The following PCDH7 variants were observed in gnomAD, a reference collection of about 807,000 sequenced individuals.
PCDH7 encodes protocadherin 7.
A neutral mutation model predicts 58.9 loss-of-function variants in PCDH7; 17 were observed. The observed-to-expected ratio is 0.29, with a 90% confidence interval of 0.20 to 0.43. PCDH7 has a LOEUF of 0.43. PCDH7 is among the 20% of genes least tolerant of loss of function. The pLI, the probability that PCDH7 is intolerant of heterozygous loss-of-function variation, is 1.00. For synonymous variants in PCDH7, 664 were observed against 616.4 expected (o/e 1.08, Z -1.14); for missense variants, 1,274 against 1,441.0 (o/e 0.88, Z 1.88).
intron 3 of PCDH7, among the ~76,000 whole-genome samples, chr4:31,094,878 T>C (rs1713751045): frequency 6.6e-6 from 1 of 151,616 alleles, no homozygotes; most frequent in Admixed American, 6.6e-5. Context: ...TACCTAGAGT[T>C]TGGAAGCTAG....
intron 1 of PCDH7, among the ~76,000 whole-genome samples, chr4:30,894,250 C>A (rs575088214): frequency 3.8e-4 from 58 of 151,590 alleles, no homozygotes; most frequent in African/African-American, 1.3e-3. Flanking sequence ...CAGAAGAAAA[C>A]ACTTATCCCA....
chr4:30,746,118 T>G (rs112808832), intron 1 of PCDH7, among the ~76,000 whole-genome samples: 1 of 152,184 alleles, frequency 6.6e-6, no homozygotes, highest in Non-Finnish European at 1.5e-5. Flanking sequence ...TGTGATCCAC[T>G]GTGCCTGGCT....
chr4:30,845,272 A>G (rs1479936830), intron 1 of PCDH7, among the ~76,000 whole-genome samples: 1 of 152,150 alleles, frequency 6.6e-6, no homozygotes, highest in Admixed American at 6.6e-5. Flanking sequence ...GCCTTTTCAG[A>G]TGTTGTATTT....
At chr4:31,105,969 T>A (rs902609046) in intron 3 of PCDH7, among the ~76,000 whole-genome samples, 1 of 150,926 alleles carries the variant, frequency 6.6e-6, no homozygotes, top group Non-Finnish European at 1.5e-5. Context: ...ATCGCGCCAC[T>A]GCACTCCAGC....
intron 3 of PCDH7, among the ~76,000 whole-genome samples, chr4:31,019,828 A>G (rs1753894390): frequency 1.3e-5 from 2 of 152,178 alleles, no homozygotes; most frequent in Middle Eastern, 3.4e-3. Flanking sequence ...ATGTAATAAC[A>G]TAAGAGAAGA....
rs58210433 is a variant in PCDH7, at chr4:30,852,829, G to GAAAAA, written c.71-67304_71-67300dup. Among the ~76,000 whole-genome samples, 109 of 74,492 alleles carry GAAAAA rather than the reference G, an allele frequency of 1.5e-3. 1 individual carries two copies. Among genetic ancestry groups the GAAAAA allele is most frequent in the African/African-American group, 3.2e-3 (67 of 20,728 alleles). The allele number at this position is 74,492 out of a possible 152,430, so 48.9% of individuals were successfully genotyped here. A position where few individuals can be genotyped will look rare whatever the true frequency, so the allele number is the denominator to read the frequency against. ...TCAAACTCAGGTCTATCAAGCACAGGAAAAAAAAAAAAAAAAAAAAAAAAG... is the reference window on the plus strand; with the variant it reads ...TCAAACTCAGGTCTATCAAGCACAGGAAAAAAAAAAAAAAAAAAAAAAAAAAAAAG... On this transcript the variant is annotated intron_variant, in intron 1 of 3. Coordinates refer to the PCDH7 transcript ENST00000509759.
chr4:31,110,543 A>G (rs910271094), intron 3 of PCDH7, among the ~76,000 whole-genome samples: 1 of 152,212 alleles, frequency 6.6e-6, no homozygotes, highest in African/African-American at 2.4e-5. Context: ...CTATATACAA[A>G]AACGTATTTT....
At chr4:30,887,045 G>A (rs1737908368) in intron 1 of PCDH7, among the ~76,000 whole-genome samples, 1 of 150,328 alleles carries the variant, frequency 6.7e-6, no homozygotes, top group African/African-American at 2.5e-5. Flanking sequence ...ACGAGTTAGT[G>A]GGTGCAGCGC....
intron 3 of PCDH7, among the ~76,000 whole-genome samples, chr4:30,997,630 G>A (rs1391900722): frequency 1.3e-5 from 2 of 152,070 alleles, no homozygotes; most frequent in Non-Finnish European, 2.9e-5. Flanking sequence ...AGACATTTGT[G>A]TCTCAGAGAC....
At chr4:30,729,643 T>C (rs922427262) in intron 1 of PCDH7, among the ~76,000 whole-genome samples, 1 of 152,096 alleles carries the variant, frequency 6.6e-6, no homozygotes, top group African/African-American at 2.4e-5. Context: ...ACACATTATG[T>C]ATGAAACTTT....
At chr4:30,986,571 GA>G (rs1750985205) in intron 3 of PCDH7, among the ~76,000 whole-genome samples, 1 of 151,940 alleles carries the variant, frequency 6.6e-6, no homozygotes, top group African/African-American at 2.4e-5. Context: ...AAAGTCTAAT[GA>G]CCTTATAATA....
At chr4:30,775,740 T>C (rs1721975764) in intron 1 of PCDH7, among the ~76,000 whole-genome samples, 1 of 151,934 alleles carries the variant, frequency 6.6e-6, no homozygotes, top group South Asian at 2.1e-4. Context: ...CTACTAAAAA[T>C]ATAAAAATTA....
intron 3 of PCDH7, among the ~76,000 whole-genome samples, chr4:31,095,772 G>C (rs1280593230): frequency 6.6e-6 from 1 of 152,084 alleles, no homozygotes; most frequent in Non-Finnish European, 1.5e-5. Context: ...CTACTATGGT[G>C]ATTAGGACAC....
chr4:30,903,061 C>A (rs1042779386), intron 1 of PCDH7, among the ~76,000 whole-genome samples: 1 of 152,104 alleles, frequency 6.6e-6, no homozygotes, highest in Non-Finnish European at 1.5e-5. Context: ...CATCTGACAA[C>A]TTTGCCCTTC....
chr4:30,894,628 A>G (rs917003874), intron 1 of PCDH7, among the ~76,000 whole-genome samples: 9 of 144,618 alleles, frequency 6.2e-5, no homozygotes, highest in Non-Finnish European at 1.2e-4. Flanking sequence ...TTTTGAGTTT[A>G]TAAATTCATA....
intron 1 of PCDH7, among the ~76,000 whole-genome samples, chr4:30,750,885 AT>A (rs955928111): frequency 1.1e-4 from 16 of 151,370 alleles, no homozygotes; most frequent in African/African-American, 2.7e-4. Flanking sequence ...TGGAAATACT[AT>A]TTTTTTTTCC....
At chr4:30,839,944 C>T (rs1288771456) in intron 1 of PCDH7, among the ~76,000 whole-genome samples, 1 of 151,826 alleles carries the variant, frequency 6.6e-6, no homozygotes, top group African/African-American at 2.4e-5. Context: ...TTTTCCATTG[C>T]CAAAGCCCTT....
intron 3 of PCDH7, among the ~76,000 whole-genome samples, chr4:30,950,538 A>G (rs965129026): frequency 2.0e-5 from 3 of 152,210 alleles, no homozygotes; most frequent in African/African-American, 7.2e-5. Flanking sequence ...CATTCTACAA[A>G]CAATCGTTAT....
At chr4:30,755,625 C>T (rs1719193289) in intron 1 of PCDH7, among the ~76,000 whole-genome samples, 1 of 152,166 alleles carries the variant, frequency 6.6e-6, no homozygotes. Flanking sequence ...AAATGGTTAC[C>T]ATCCCCCACT....
Sources: allele counts gnomAD v4.1 joint callset (sites outside exome capture counted in the v4.1 genomes callset), GRCh38; gene constraint gnomAD v4.1.1; transcripts MANE v1.5; gene names NCBI Gene and HGNC (gene_info 2026-07-23, HGNC 2026-07-21).